Variants in ENOX1 observed in about 807,000 individuals in gnomAD.
The protein encoded by ENOX1 is candidate growth-related and time keeping constitutive hydroquinone (NADH) oxidase.
Under a neutral mutation model 82.5 loss-of-function variants are expected in ENOX1, and 42 were observed. The ratio of observed to expected loss-of-function variants is 0.51; its 90% confidence interval spans 0.40 to 0.66. The LOEUF (loss-of-function observed/expected upper bound fraction) is 0.66, where lower values mean the gene tolerates loss of function less well. Ranked by LOEUF, ENOX1 falls within the 30% of genes least tolerant of loss-of-function variation. The probability of loss-of-function intolerance (pLI) is 0.00; values close to 1 mark genes in which losing one functional copy is unlikely to be tolerated. For synonymous variants in ENOX1, 271 were observed against 282.2 expected, an observed-to-expected ratio of 0.96 and a Z score of 0.40; for missense variants, 608 against 811.6, an observed-to-expected ratio of 0.75 and a Z score of 3.05.
At chr13:43,220,636 A>G (rs1029749606) in intron 16 of ENOX1, among the ~76,000 whole-genome samples, 3 of 152,316 alleles carry the variant, frequency 2.0e-5, no homozygotes, top group African/African-American at 7.2e-5. Flanking sequence ...AACCTTACCA[A>G]CTTCTCTCAC....
At chr13:43,540,044 C>T (rs556677539) in intron 2 of ENOX1, among the ~76,000 whole-genome samples, 2 of 152,160 alleles carry the variant, frequency 1.3e-5, no homozygotes, top group Non-Finnish European at 2.9e-5. Flanking sequence ...TTTTTACACA[C>T]TCATATTTTA....
intron 13 of ENOX1, among the ~76,000 whole-genome samples, chr13:43,265,770 C>T (rs2044337279): frequency 6.6e-6 from 1 of 152,150 alleles, no homozygotes; most frequent in Non-Finnish European, 1.5e-5. Flanking sequence ...GATTTCATTT[C>T]CTAGTTGGAT....
intron 3 of ENOX1, among the ~76,000 whole-genome samples, chr13:43,421,311 T>C (rs957301781): frequency 3.9e-5 from 6 of 152,232 alleles, no homozygotes; most frequent in African/African-American, 1.4e-4. Flanking sequence ...ATGTATTTAA[T>C]GCTGGCAATA....
At chr13:43,520,631 A>AATC (rs2077727811) in intron 2 of ENOX1, among the ~76,000 whole-genome samples, 1 of 152,142 alleles carries the variant, frequency 6.6e-6, no homozygotes, top group Non-Finnish European at 1.5e-5. Context: ...AACCATGCAG[A>AATC]CAGAGGATTA....
At chr13:43,295,791 A>G (rs1322398829) in intron 12 of ENOX1, among the ~76,000 whole-genome samples, 1 of 152,222 alleles carries the variant, frequency 6.6e-6, no homozygotes, top group African/African-American at 2.4e-5. Flanking sequence ...AATTGTGGTC[A>G]TTTATTCATA....
At chr13:43,573,797 T>C (rs1287655010) in intron 2 of ENOX1, among the ~76,000 whole-genome samples, 1 of 152,212 alleles carries the variant, frequency 6.6e-6, no homozygotes, top group Non-Finnish European at 1.5e-5. Flanking sequence ...AGAAGTGAAT[T>C]CAGTTGCTTG....
chr13:43,263,637 C>T (rs1039220124), intron 14 of ENOX1, among the ~76,000 whole-genome samples: 1 of 152,232 alleles, frequency 6.6e-6, no homozygotes, highest in Non-Finnish European at 1.5e-5. Flanking sequence ...AACATCTTAG[C>T]TAGAACCTCA....
intron 2 of ENOX1, among the ~76,000 whole-genome samples, chr13:43,576,994 T>C (rs1370407917): frequency 1.3e-5 from 2 of 152,200 alleles, no homozygotes; most frequent in Non-Finnish European, 2.9e-5. Flanking sequence ...ATTAAGCGTT[T>C]ACTATGAACC....
chr13:43,366,441 A>T (rs1286062822), intron 5 of ENOX1, among the ~76,000 whole-genome samples: 2 of 151,974 alleles, frequency 1.3e-5, no homozygotes, highest in East Asian at 3.9e-4. Context: ...TGCCTGGCTA[A>T]TTTTTTTTGT....
intron 12 of ENOX1, among the ~76,000 whole-genome samples, chr13:43,287,425 T>C (rs754557408): frequency 5.9e-5 from 9 of 152,194 alleles, no homozygotes; most frequent in African/African-American, 9.6e-5. Flanking sequence ...CATGATCACA[T>C]GTGATGTATG....
At chr13:43,249,781 C>A (rs573255812) in intron 14 of ENOX1, among the ~76,000 whole-genome samples, 4 of 152,186 alleles carry the variant, frequency 2.6e-5, no homozygotes, top group East Asian at 1.9e-4. Flanking sequence ...AAAGTAAAAT[C>A]AAATTTTACA....
At chr13:43,762,175 A>C (rs996985028) in intron 1 of ENOX1, among the ~76,000 whole-genome samples, 2 of 152,170 alleles carry the variant, frequency 1.3e-5, no homozygotes, top group South Asian at 4.1e-4. Context: ...GGCAATTTAA[A>C]CTTCATTACC....
chr13:43,778,187 A>G (rs1263465489), intron 1 of ENOX1, among the ~76,000 whole-genome samples: 1 of 152,264 alleles, frequency 6.6e-6, no homozygotes, highest in Non-Finnish European at 1.5e-5. Flanking sequence ...GTATTCCTAC[A>G]TGGGACAATT....
At chr13:43,667,320 T>C (rs1359621760) in intron 2 of ENOX1, 159 bp downstream of exon 2, 1 of 293,960 alleles carries the variant, frequency 3.4e-6, no homozygotes, top group Non-Finnish European at 5.1e-6. Flanking sequence ...CCCAAATGCA[T>C]GTTAGTTCAG....
chr13:43,482,155 A>G (rs1451245452), intron 3 of ENOX1, among the ~76,000 whole-genome samples: 2 of 152,176 alleles, frequency 1.3e-5, no homozygotes, highest in Non-Finnish European at 1.5e-5. Context: ...TATCAAAAAA[A>G]CTGAAAACAG....
chr13:43,490,234 G>A (rs555487051), intron 2 of ENOX1, among the ~76,000 whole-genome samples: 15 of 152,250 alleles, frequency 9.9e-5, no homozygotes, highest in Non-Finnish European at 1.9e-4. Context: ...AAGCCATTGC[G>A]CCCAGTCCCA....
At chr13:43,333,526 G>A (rs1223304417) in intron 9 of ENOX1, among the ~76,000 whole-genome samples, 2 of 152,196 alleles carry the variant, frequency 1.3e-5, no homozygotes, top group Non-Finnish European at 2.9e-5. Context: ...TGGTTTCTGG[G>A]GATCTTTTCT....
At chr13:43,221,225 G>A (rs180823108) in intron 16 of ENOX1, among the ~76,000 whole-genome samples, 2 of 152,280 alleles carry the variant, frequency 1.3e-5, no homozygotes, top group Admixed American at 6.5e-5. Context: ...AACCAGACAC[G>A]CTTGGAAAAC....
rs1006283766 is a variant in ENOX1 at position 43,751,098 on chromosome 13, G to A, written c.-285+35554C>T. Among the ~76,000 whole-genome samples, 20 of 152,194 alleles carry A rather than the reference G, an allele frequency of 1.3e-4. No homozygotes were observed. The East Asian group carries it at 3.3e-3, about 25-fold the overall frequency. On this transcript the variant is annotated intron_variant, in intron 1 of 16. Transcript: ENST00000690772. ...TGGCTGCCAGGACCCCACATTCCTC[G>A]TAAGTCCCCAAATTATCTGTCATGC... is the stretch of plus-strand genomic sequence containing the variant.
Sources: gnomAD v4.1 joint callset for allele counts (sites outside exome capture counted in the v4.1 genomes callset) on GRCh38, gnomAD v4.1.1 for gene constraint, MANE v1.5 for transcripts, NCBI Gene and HGNC (gene_info 2026-07-23, HGNC 2026-07-21) for gene names.